The following MYCBP2 variants were observed in gnomAD, a reference collection of about 807,000 sequenced individuals.
MYCBP2 encodes MYC binding protein 2.
MYCBP2 carries 120 observed loss-of-function variants against 525.3 expected under a neutral mutation model. That is an observed-to-expected ratio of 0.23 (90% CI 0.20 to 0.27). The LOEUF is 0.27. Among genes scored for constraint, MYCBP2 ranks in the 10% least tolerant of loss-of-function variants. The pLI is 1.00. For missense variants in MYCBP2, 4,149 were observed against 5,657.1 expected (o/e 0.73, Z 8.55); for synonymous variants, 1,894 against 1,955.8 (o/e 0.97, Z 0.83).
chr13:77,143,255 A>T (rs1182859199), intron 49 of MYCBP2, among the ~76,000 whole-genome samples: 4 of 152,206 alleles, frequency 2.6e-5, no homozygotes, highest in Admixed American at 6.5e-5. Flanking sequence ...TTTCCAGACA[A>T]GACTGGCGTG....
Position 77,076,738 on chromosome 13 carries a change from T to A in MYCBP2, c.11823+13A>T. 1 of 1,455,308 alleles carries A rather than the reference T, an allele frequency of 6.9e-7. No homozygotes were observed. Among genetic ancestry groups the A allele is most frequent in the Non-Finnish European group, 9.5e-7 (1 of 1,051,362 alleles). The allele number at this position is 1,455,308 out of a possible 1,614,324, so 90.1% of individuals were successfully genotyped here. ...AAAAGGGAAATAAATATCTTTAGAA[T>A]ACAAATAAATACATTGTATACTTTT... On this transcript the variant is annotated intron_variant, in intron 68 of 82. Transcript: ENST00000544440.
In MYCBP2 at chr13:77,067,639, C is replaced by T; in HGVS notation, c.12397G>A (p.Gly4133Ser). Residue 4133 changes from glycine (G) to serine (S), a missense_variant, in exon 71 of 83, where the codon GGT becomes AGT. Physicochemically the swap from Gly to Ser is moderately conservative, Grantham distance 56. This residue lies in a region of MYCBP2 where 148 missense variants were observed against 179.4 expected (regional missense o/e 0.82). Coordinates refer to ENST00000544440, the MANE Select transcript of MYCBP2 (RefSeq NM_015057.5). ...AKGTTITGTA[G>S]TTVGKGVTTV... is the part of the protein sequence containing the mutation. The stretch of plus-strand genomic sequence containing the variant: ...GTAACTCCTTTGCCCACAGTGGTAC[C>T]AGCTGTTCCAGTGATGGTGGTTCCT... 6.2e-7 allele frequency: 1 copy of T among 1,614,148 alleles called. No homozygotes were observed. Among genetic ancestry groups the T allele is most frequent in the South Asian group, 1.1e-5 (1 of 91,084 alleles).
Position 77,185,861 on chromosome 13 carries a change from T to G in MYCBP2, c.4444+10A>C. On this transcript the variant is annotated intron_variant, in intron 31 of 82. Coordinates refer to ENST00000544440, the MANE Select transcript of MYCBP2 (RefSeq NM_015057.5). ...TCTCCCTATAGTCATTTAAAAAAAA[T>G]GCATCATACCTGACACTGGGTAAAT... 1 of 1,537,256 alleles carries G rather than the reference T, an allele frequency of 6.5e-7. No homozygotes were observed. Among genetic ancestry groups the G allele is most frequent in the Non-Finnish European group, 8.7e-7 (1 of 1,145,864 alleles).
chr13:77,321,211 T>C (rs928579635), intron 1 of MYCBP2, among the ~76,000 whole-genome samples: 1 of 152,234 alleles, frequency 6.6e-6, no homozygotes, highest in Non-Finnish European at 1.5e-5. Flanking sequence ...AAAAGTATTT[T>C]TAGATTGACA....
intron 2 of MYCBP2, among the ~76,000 whole-genome samples, chr13:77,290,380 A>C (rs763616294): frequency 6.6e-6 from 1 of 152,240 alleles, no homozygotes; most frequent in Non-Finnish European, 1.5e-5. Flanking sequence ...CCAGAGAAAT[A>C]AAAACTTATG....
intron 26 of MYCBP2, among the ~76,000 whole-genome samples, chr13:77,195,024 CT>C (rs68089729): frequency 0.58 from 85,928 of 149,372 alleles, 27,850 homozygotes; most frequent in Non-Finnish European, 0.73. Context: ...AAAAAATGTC[CT>C]TTTTTTTTTT....
Position 77,326,260 on chromosome 13 carries a change from C to T in MYCBP2, c.302+214G>A, listed in dbSNP as rs2082291928. On this transcript the variant is annotated intron_variant, in intron 1 of 82. Coordinates refer to ENST00000544440, the MANE Select transcript of MYCBP2 (RefSeq NM_015057.5). This position sits in a 1 kb window ranked among gnomAD's most constrained non-coding sequence, Gnocchi z 4.2. The stretch of plus-strand genomic sequence containing the variant: ...AGGCAGACACACACACACACACACA[C>T]ACACACACACACACACACACACACG... 6.9e-6 allele frequency among the ~76,000 whole-genome samples: 1 copy of T among 145,026 alleles called. No individual in the cohort carries two copies. Among genetic ancestry groups the T allele is most frequent in the African/African-American group, 2.8e-5 (1 of 35,138 alleles).
In MYCBP2 at chr13:77,122,690, A is replaced by G. The variant is rs988643779; in HGVS notation, c.8018-1195T>C. On this transcript the variant is annotated intron_variant, in intron 54 of 82. Coordinates refer to ENST00000544440, the MANE Select transcript of MYCBP2 (RefSeq NM_015057.5). The stretch of plus-strand genomic sequence containing the variant: ...GGGTGACAGAGCGAGACTCCATCTC[A>G]AAAAAAAAAAAAAAAAAAAGTCAAT... Among the ~76,000 whole-genome samples, 5 of 121,104 alleles carry G rather than the reference A, an allele frequency of 4.1e-5. No individual in the cohort carries two copies. The East Asian group carries it at 1.0e-3, about 25-fold the overall frequency. The allele number at this position is 121,104 out of a possible 152,430, so 79.4% of individuals were successfully genotyped here.
chr13:77,301,865 C>T (rs1443618328), intron 1 of MYCBP2, among the ~76,000 whole-genome samples: 1 of 151,908 alleles, frequency 6.6e-6, no homozygotes, highest in South Asian at 2.1e-4. Context: ...AAAAAAGAAC[C>T]AAGTGGACAT....
chr13:77,089,955 T>C (rs2045102520), intron 60 of MYCBP2, 151 bp downstream of exon 60: 2 of 610,538 alleles, frequency 3.3e-6, no homozygotes, highest in Non-Finnish European at 5.2e-6. Flanking sequence ...TTTATAGCTA[T>C]GTCATATAGA....
At chr13:77,254,832 C>G (rs1428505353) in intron 14 of MYCBP2, among the ~76,000 whole-genome samples, 1 of 151,600 alleles carries the variant, frequency 6.6e-6, no homozygotes, top group Non-Finnish European at 1.5e-5. Context: ...TTTTTTAGTT[C>G]CCATATATGA....
In MYCBP2 at chr13:77,260,596, TA is replaced by T. The variant is rs1401985107; in HGVS notation, c.1853-5del. 9 of 1,582,080 alleles carry T rather than the reference TA, an allele frequency of 5.7e-6. No homozygotes were observed. Among genetic ancestry groups the T allele is most frequent in the Non-Finnish European group, 6.8e-6 (8 of 1,168,342 alleles). On this transcript the variant is annotated splice_polypyrimidine_tract_variant and splice_region_variant and intron_variant, in intron 12 of 82. Coordinates refer to ENST00000544440, the MANE Select transcript of MYCBP2 (RefSeq NM_015057.5). ...TTGGATTGCCGTCTGCTCTTAGCTT[TA>T]AAAAAGAAATTAGATTAAATCAAGA...
chr13:77,052,278 A>G (rs766611002), intron 80 of MYCBP2, among the ~76,000 whole-genome samples: 1 of 152,010 alleles, frequency 6.6e-6, no homozygotes, highest in African/African-American at 2.4e-5. Flanking sequence ...GGCTCCCGAC[A>G]GCCTCAACCT....
chr13:77,185,968 G>C lies in MYCBP2; in HGVS notation c.4347C>G (p.Phe1449Leu). 3.1e-6 allele frequency: 5 copies of C among 1,613,800 alleles called. No homozygotes were observed. The highest frequency in any genetic ancestry group is 4.2e-6 in the Non-Finnish European group (5 of 1,179,796). Residue 1449 changes from phenylalanine to leucine, a missense_variant, in exon 31 of 83, where the codon TTC (phenylalanine) becomes TTG (leucine). Transcript: ENST00000544440. Reference sequence around the variant, plus strand: ...TCTCTAAATCTAGGAGTGTAGCTGTGAACTGGAATCCTTTTAATCCTCTAA... The same window carrying C: ...TCTCTAAATCTAGGAGTGTAGCTGTCAACTGGAATCCTTTTAATCCTCTAA... Reference protein sequence around the residue: ...EELRGLKGFQFTATLLDLERL... With the variant: ...EELRGLKGFQLTATLLDLERL...
chr13:77,061,485 T>C (rs1487162787), intron 75 of MYCBP2, among the ~76,000 whole-genome samples, 177 bp downstream of exon 75: 1 of 152,210 alleles, frequency 6.6e-6, no homozygotes, highest in Non-Finnish European at 1.5e-5. Flanking sequence ...AGAAATTAAG[T>C]GTTTCTAAGG....
chr13:77,093,451 TA>T, intron 58 of MYCBP2, 119 bp from the exon 59 acceptor site: 2 of 830,728 alleles, frequency 2.4e-6, no homozygotes, highest in East Asian at 2.7e-5. Flanking sequence ...GGCAAAGCAT[TA>T]AAATAATCGT....
At position 77,294,131 on chromosome 13, in the gene MYCBP2, C is replaced by CATATATATATATATATATACACAT; in HGVS notation, c.378+2467_378+2468insATGTGTATATATATATATATATAT. On this transcript the variant is annotated intron_variant, in intron 2 of 82. Transcript: ENST00000544440. ...ATATATATATATATATATATATATA[C>CATATATATATATATATATACACAT]ATATATATATACATATATATAAAAT... Among the ~76,000 whole-genome samples the CATATATATATATATATATACACAT allele has an allele frequency of 8.8e-4, 58 of 65,712 alleles. 2 individuals carry two copies. Among genetic ancestry groups the CATATATATATATATATATACACAT allele is most frequent in the Non-Finnish European group, 1.3e-3 (43 of 33,404 alleles). 43.1% of individuals were successfully genotyped at this position (65,712 alleles called of 152,430 possible). A position where few individuals can be genotyped will look rare whatever the true frequency, so the allele number is the denominator to read the frequency against.
chr13:77,133,804 T>C (rs2053303580), intron 52 of MYCBP2, among the ~76,000 whole-genome samples: 1 of 152,212 alleles, frequency 6.6e-6, no homozygotes, highest in South Asian at 2.1e-4. Flanking sequence ...TGGCAACTTT[T>C]CTTCAAGTCC....
chr13:77,093,577 C>T (rs367957407), intron 58 of MYCBP2, among the ~76,000 whole-genome samples: 16 of 152,200 alleles, frequency 1.1e-4, no homozygotes, highest in Admixed American at 1.3e-4. Context: ...AGAACTTTTC[C>T]ATCTTCCAGT....
Sources: gnomAD v4.1 joint callset for allele counts (sites outside exome capture counted in the v4.1 genomes callset) on GRCh38, gnomAD v4.1.1 for gene constraint, gnomAD v4.1.1 regional missense constraint, Gnocchi (gnomAD v3.1) non-coding constraint, MANE v1.5 for transcripts, NCBI Gene and HGNC (gene_info 2026-07-23, HGNC 2026-07-21) for gene names.